The following CA5B variants were observed in gnomAD, a reference collection of about 807,000 sequenced individuals.
The protein encoded by CA5B is carbonic anhydrase 5B, also known as carbonic anhydrase 5B, mitochondrial.
Under a neutral mutation model 23.1 loss-of-function variants are expected in CA5B, and 15 were observed. The ratio of observed to expected loss-of-function variants is 0.65; its 90% CI spans 0.43 to 1.00. CA5B has a LOEUF of 1.00. CA5B is among the 50% of genes least tolerant of loss of function. The probability of loss-of-function intolerance (pLI) is 0.00; values close to 1 mark genes in which losing one functional copy is unlikely to be tolerated. For synonymous variants in CA5B, 84 were observed against 98.5 expected, an observed-to-expected ratio of 0.85 and a Z score of 0.87; for missense variants, 236 against 252.2, an observed-to-expected ratio of 0.94 and a Z score of 0.43.
At position 15,774,414 on chromosome X, in the gene CA5B, A is replaced by G. The variant is rs745538244; in HGVS notation, c.555+17A>G. On this transcript the variant is annotated intron_variant, in intron 5 of 7. Transcript: ENST00000318636. ...TTTTTAAAGGTAAAATATCTCACCAACTTTAAATGACGTGTTGTATTCTAG... is the reference window on the plus strand; with the variant it reads ...TTTTTAAAGGTAAAATATCTCACCAGCTTTAAATGACGTGTTGTATTCTAG... The G allele has an allele frequency of 2.6e-6, 2 of 781,356 alleles. No individual in the cohort carries two copies. Among genetic ancestry groups the G allele is most frequent in the Non-Finnish European group, 3.8e-6 (2 of 522,493 alleles). 64.4% of individuals were successfully genotyped at this position (781,356 alleles called of 1,213,427 possible).
intron 3 of CA5B, among the ~76,000 whole-genome samples, chrX:15,769,195 G>T (rs766118883): frequency 1.8e-5 from 2 of 111,435 alleles, no homozygotes; most frequent in African/African-American, 6.5e-5. Flanking sequence ...TTAATTGGGG[G>T]AGACCAAGAA....
At chrX:15,750,482 C>A in intron 2 of CA5B, 1 of 179,108 alleles carries the variant, frequency 5.6e-6, no homozygotes, top group Non-Finnish European at 1.0e-5. Flanking sequence ...GGACAAGAGA[C>A]AGATCCCGGT....
In CA5B at chrX:15,787,100, CCCACTTGCA is replaced by C. The variant is rs1250819005; in HGVS notation, c.*4441_*4449del. The C allele has an allele frequency of 8.9e-6, 1 of 111,861 alleles. No homozygotes were observed. The highest frequency in any genetic ancestry group is 1.9e-5 in the Non-Finnish European group (1 of 53,194). The allele number at this position is 111,861 out of a possible 1,213,427, so 9.2% of individuals were successfully genotyped here. A position where few individuals can be genotyped will look rare whatever the true frequency, so the allele number is the denominator to read the frequency against. Reference sequence around the variant, plus strand: ...CTGATGGAGTCTTGATTGTACGTGCCCCACTTGCACCACAGCCTGCCTTGGGTTATATAC... The same window carrying C: ...CTGATGGAGTCTTGATTGTACGTGCCCCACAGCCTGCCTTGGGTTATATAC... On this transcript the variant is annotated 3_prime_UTR_variant, in exon 8 of 8. Transcript: ENST00000318636.
In CA5B at chrX:15,764,974, GTAT is replaced by G. The variant is rs758087950; in HGVS notation, c.340+201_340+203del. 6.9e-3 allele frequency: 3,632 copies of G among 523,249 alleles called. 18 individuals are homozygous for G. The highest frequency in any genetic ancestry group is 9.5e-3 in the Non-Finnish European group (3,155 of 330,559). 43.1% of individuals were successfully genotyped at this position (523,249 alleles called of 1,213,427 possible). A position where few individuals can be genotyped will look rare whatever the true frequency, so the allele number is the denominator to read the frequency against. The stretch of plus-strand genomic sequence containing the variant: ...ATATTTTCTTCAACTAGTATAGGTA[GTAT>G]TTTTAATTAATAAATATATCTCTAT... On this transcript the variant is annotated intron_variant, in intron 3 of 7. Transcript: ENST00000318636.
At chrX:15,775,486 A>T in intron 6 of CA5B, 178 bp downstream of exon 6, 1 of 978,760 alleles carries the variant, frequency 1.0e-6, no homozygotes, top group Non-Finnish European at 1.3e-6. Context: ...GTGGGTAGGC[A>T]GTGAGCTTTC....
chrX:15,742,519 G>A (rs1358240809), intron 1 of CA5B, among the ~76,000 whole-genome samples: 4 of 112,032 alleles, frequency 3.6e-5, no homozygotes, highest in African/African-American at 9.7e-5. Context: ...GATTACAGAC[G>A]TGCATCACCA....
At chrX:15,745,960 A>T (rs1320597953) in intron 1 of CA5B, among the ~76,000 whole-genome samples, 1 of 110,083 alleles carries the variant, frequency 9.1e-6, no homozygotes, top group East Asian at 2.8e-4. Flanking sequence ...TATAACACTT[A>T]GCAGCTTTTT....
At chrX:15,760,548 A>G (rs1012537896) in intron 2 of CA5B, among the ~76,000 whole-genome samples, 23 of 111,816 alleles carry the variant, frequency 2.1e-4, no homozygotes, top group African/African-American at 7.5e-4. Flanking sequence ...TGGTATTTGC[A>G]TGAGTGTGAG....
chrX:15,765,686 A>G (rs1183625843), intron 3 of CA5B, among the ~76,000 whole-genome samples: 1 of 109,871 alleles, frequency 9.1e-6, no homozygotes, highest in Non-Finnish European at 1.9e-5. Flanking sequence ...ACAACTTGGG[A>G]AATGAAATTG....
chrX:15,742,518 C>T (rs1048127920), intron 1 of CA5B, among the ~76,000 whole-genome samples: 6 of 112,185 alleles, frequency 5.3e-5, no homozygotes, highest in African/African-American at 1.3e-4. Context: ...GGATTACAGA[C>T]GTGCATCACC....
intron 3 of CA5B, among the ~76,000 whole-genome samples, chrX:15,766,116 C>G (rs1392429795): frequency 1.0e-5 from 1 of 99,632 alleles, no homozygotes; most frequent in Non-Finnish European, 2.0e-5. Context: ...GAGATCGCGC[C>G]ACTGCACTCC....
intron 5 of CA5B, 46 bp from the exon 6 acceptor site, chrX:15,775,200 T>G: frequency 5.6e-5 from 55 of 975,100 alleles, no homozygotes; most frequent in Non-Finnish European, 7.0e-5. Context: ...GTTTCTACAG[T>G]GAGATGTCCA....
chrX:15,745,207 A>AGAAAAATCT (rs1555992345), intron 1 of CA5B, among the ~76,000 whole-genome samples: 2 of 110,623 alleles, frequency 1.8e-5, no homozygotes, highest in Admixed American at 9.7e-5. Context: ...AGAAAAGAAA[A>AGAAAAATCT]GAAAAATCTG....
intron 7 of CA5B, 114 bp downstream of exon 7, chrX:15,776,983 A>G (rs1261062217): frequency 5.0e-6 from 3 of 596,303 alleles, no homozygotes; most frequent in South Asian, 6.7e-5. Flanking sequence ...ATACATTTTT[A>G]TTGAAGTGTA....
chrX:15,749,091 A>C (rs1931302767), intron 1 of CA5B, among the ~76,000 whole-genome samples: 1 of 111,885 alleles, frequency 8.9e-6, no homozygotes. Context: ...AATGTGTCTC[A>C]AGTACTCAGA....
chrX:15,783,894 T>TC lies in CA5B; in HGVS notation c.*1230_*1231insC, dbSNP rs2147271331. The TC allele has an allele frequency of 1.0e-5, 1 of 97,962 alleles. No homozygotes were observed. The highest frequency in any genetic ancestry group is 3.2e-4 in the East Asian group (1 of 3,106). The allele number at this position is 97,962 out of a possible 1,213,427, so 8.1% of individuals were successfully genotyped here. ...CAGAAATATTTTTCTTTTCTTTTTT[T>TC]TTTTTTTTTTTGAGATGGAGTCTCG... On this transcript the variant is annotated 3_prime_UTR_variant, in exon 8 of 8. Coordinates refer to ENST00000318636, the MANE Select transcript of CA5B (RefSeq NM_007220.4).
At chrX:15,749,511 TTTG>T (rs1025959509) in intron 1 of CA5B, among the ~76,000 whole-genome samples, 27 of 111,870 alleles carry the variant, frequency 2.4e-4, no homozygotes, top group African/African-American at 7.5e-4. Flanking sequence ...TTTTTGTTTT[TTTG>T]TTGTTGTTGT....
At chrX:15,756,435 G>A (rs777835159) in intron 2 of CA5B, among the ~76,000 whole-genome samples, 1 of 112,915 alleles carries the variant, frequency 8.9e-6, no homozygotes, top group South Asian at 3.6e-4. Context: ...GGCAGATAAA[G>A]CAAACACAGA....
intron 3 of CA5B, among the ~76,000 whole-genome samples, chrX:15,765,629 A>G (rs1453507412): frequency 9.1e-6 from 1 of 109,653 alleles, no homozygotes; most frequent in Non-Finnish European, 1.9e-5. Flanking sequence ...ATACCCCTCC[A>G]TATCCCTCAC....
Sources: allele counts gnomAD v4.1 joint callset (sites outside exome capture counted in the v4.1 genomes callset), GRCh38; gene constraint gnomAD v4.1.1; transcripts MANE v1.5; gene names NCBI Gene and HGNC (gene_info 2026-07-23, HGNC 2026-07-21).